KAT6B: variants seen among roughly 807,000 people sequenced by gnomAD.
The protein encoded by KAT6B is lysine acetyltransferase 6B, also known as histone acetyltransferase KAT6B.
KAT6B carries 10 observed loss-of-function variants against 187.5 expected under a neutral mutation model. That is an observed-to-expected ratio of 0.05 (90% CI 0.03 to 0.09). The LOEUF is 0.09. Among genes scored for constraint, KAT6B ranks in the 10% least tolerant of loss-of-function variants. The probability of loss-of-function intolerance (pLI) is 1.00; values close to 1 mark genes in which losing one functional copy is unlikely to be tolerated. For missense variants in KAT6B, 1,952 were observed against 2,558.9 expected (o/e 0.76, Z 5.12); for synonymous variants, 861 against 926.8 (o/e 0.93, Z 1.29).
intron 3 of KAT6B, among the ~76,000 whole-genome samples, chr10:74,859,561 T>G (rs2132271532): frequency 6.6e-6 from 1 of 152,334 alleles, no homozygotes; most frequent in Non-Finnish European, 1.5e-5. Context: ...CCTCTAGAAT[T>G]CTTCATTTTA....
chr10:75,013,234 G>A (rs1487520819), intron 13 of KAT6B, among the ~76,000 whole-genome samples: 1 of 152,158 alleles, frequency 6.6e-6, no homozygotes, highest in Non-Finnish European at 1.5e-5. Flanking sequence ...GGTTGGATGG[G>A]CTAGCCATTT....
intron 3 of KAT6B, among the ~76,000 whole-genome samples, chr10:74,922,698 A>G (rs1393495673): frequency 6.6e-6 from 1 of 152,218 alleles, no homozygotes; most frequent in Non-Finnish European, 1.5e-5. Flanking sequence ...GCGTTAAGCA[A>G]AAGGATGTGT....
At chr10:74,864,322 G>A (rs375962271) in intron 3 of KAT6B, among the ~76,000 whole-genome samples, 3 of 151,888 alleles carry the variant, frequency 2.0e-5, no homozygotes, top group African/African-American at 2.4e-5. Context: ...TCACTGCAAC[G>A]CTCCATCTCC....
At chr10:74,836,171 ATAG>A (rs1228834304) in intron 1 of KAT6B, among the ~76,000 whole-genome samples, 1 of 152,172 alleles carries the variant, frequency 6.6e-6, no homozygotes, top group Non-Finnish European at 1.5e-5. Flanking sequence ...TTATAGTTGT[ATAG>A]TATTCTAGTG....
At chr10:74,861,874 C>G (rs1589496193) in intron 3 of KAT6B, among the ~76,000 whole-genome samples, 1 of 152,266 alleles carries the variant, frequency 6.6e-6, no homozygotes, top group Middle Eastern at 3.4e-3. Context: ...ATTAATGATG[C>G]TAATAATAGT....
intron 12 of KAT6B, among the ~76,000 whole-genome samples, chr10:74,987,999 A>G (rs1199446602): frequency 6.6e-6 from 1 of 152,240 alleles, no homozygotes; most frequent in Admixed American, 6.5e-5. Context: ...AGACAACTAC[A>G]AATGTGCAAA....
At chr10:74,924,588 G>C (rs985308191) in intron 3 of KAT6B, among the ~76,000 whole-genome samples, 18 of 152,168 alleles carry the variant, frequency 1.2e-4, no homozygotes, top group Non-Finnish European at 2.6e-4. Context: ...CGTTACCCCT[G>C]AAATAACTAT....
chr10:74,986,600 T>C (rs1842825258), intron 12 of KAT6B, among the ~76,000 whole-genome samples: 1 of 152,218 alleles, frequency 6.6e-6, no homozygotes, highest in South Asian at 2.1e-4. Context: ...AGTGTTTTAA[T>C]CCACATATTT....
intron 13 of KAT6B, among the ~76,000 whole-genome samples, chr10:74,999,677 C>T (rs1293221977): frequency 2.0e-5 from 3 of 152,176 alleles, no homozygotes; most frequent in Non-Finnish European, 4.4e-5. Flanking sequence ...ACCGGAATTA[C>T]ACACATTTAC....
In KAT6B at chr10:74,972,468, A is replaced by C. The variant is rs191950988; in HGVS notation, c.929-39A>C. ...ATATTTAATATCTTCTCTTAAAATG[A>C]AACATTAAAATATTTTTCTCATATA... is the stretch of plus-strand genomic sequence containing the variant. On this transcript the variant is annotated intron_variant, in intron 6 of 17. Transcript: ENST00000287239. 36 of 1,402,884 alleles carry C rather than the reference A, an allele frequency of 2.6e-5. No individual in the cohort carries two copies. The East Asian group carries it at 8.7e-4, about 34-fold the overall frequency. The allele number at this position is 1,402,884 out of a possible 1,614,324, so 86.9% of individuals were successfully genotyped here.
chr10:74,923,142 G>C (rs10490991), intron 3 of KAT6B, among the ~76,000 whole-genome samples: 1 of 152,162 alleles, frequency 6.6e-6, no homozygotes, highest in Non-Finnish European at 1.5e-5. Flanking sequence ...GTTTGAAATA[G>C]ATCTTAGAGA....
At chr10:74,966,347 A>G (rs1170349961) in intron 4 of KAT6B, among the ~76,000 whole-genome samples, 1 of 152,220 alleles carries the variant, frequency 6.6e-6, no homozygotes, top group African/African-American at 2.4e-5. Context: ...CGGTACCCCT[A>G]GTCACTTCTG....
At chr10:74,882,192 C>T (rs894636284) in intron 3 of KAT6B, among the ~76,000 whole-genome samples, 4 of 152,244 alleles carry the variant, frequency 2.6e-5, no homozygotes, top group Non-Finnish European at 5.9e-5. Context: ...GTCTCCCCTT[C>T]CCTGCTCAAC....
intron 1 of KAT6B, among the ~76,000 whole-genome samples, chr10:74,829,631 G>A (rs542654495): frequency 4.6e-5 from 7 of 151,722 alleles, no homozygotes; most frequent in Non-Finnish European, 8.8e-5. Flanking sequence ...TTTTAGTAGA[G>A]GTGGGGTTTC....
chr10:74,942,147 C>A (rs1401853047), intron 3 of KAT6B, among the ~76,000 whole-genome samples: 1 of 152,036 alleles, frequency 6.6e-6, no homozygotes, highest in Non-Finnish European at 1.5e-5. Flanking sequence ...GAGATTTTGT[C>A]TCAAGAAATA....
intron 13 of KAT6B, among the ~76,000 whole-genome samples, chr10:74,996,134 G>T (rs1355346404): frequency 6.6e-6 from 1 of 152,216 alleles, no homozygotes; most frequent in Non-Finnish European, 1.5e-5. Context: ...AAGATGCGAA[G>T]AGTCATGTCC....
chr10:74,971,993 A>G (rs1001432498), intron 6 of KAT6B, among the ~76,000 whole-genome samples: 3 of 152,186 alleles, frequency 2.0e-5, no homozygotes, highest in East Asian at 1.9e-4. Flanking sequence ...CCATTGACCT[A>G]TTTCTCTATG....
chr10:74,931,436 A>C (rs1056805795), intron 3 of KAT6B, among the ~76,000 whole-genome samples: 3 of 152,170 alleles, frequency 2.0e-5, no homozygotes, highest in Admixed American at 1.3e-4. Context: ...TGGATGGACT[A>C]TACCCAGCTT....
chr10:74,934,114 A>G (rs1224088885), intron 3 of KAT6B, among the ~76,000 whole-genome samples: 1 of 139,932 alleles, frequency 7.1e-6, no homozygotes, highest in Admixed American at 7.8e-5. Flanking sequence ...TGAACCTGGG[A>G]GGCGGAGGTT....
Sources: allele counts gnomAD v4.1 joint callset (sites outside exome capture counted in the v4.1 genomes callset), GRCh38; gene constraint gnomAD v4.1.1; transcripts MANE v1.5; gene names NCBI Gene and HGNC (gene_info 2026-07-23, HGNC 2026-07-21).